The following CEP97 variants were observed in gnomAD, a reference collection of about 807,000 sequenced individuals.
CEP97 encodes centrosomal protein of 97 kDa.
A neutral mutation model predicts 73.1 loss-of-function variants in CEP97; 43 were observed. The ratio of observed to expected loss-of-function variants is 0.59; its 90% CI spans 0.46 to 0.76. The LOEUF is 0.76. CEP97 is among the 30% of genes least tolerant of loss of function. The probability of loss-of-function intolerance (pLI) is 0.00; values close to 1 mark genes in which losing one functional copy is unlikely to be tolerated. For missense variants in CEP97, 939 were observed against 1,014.0 expected (o/e 0.93, Z 1.00); for synonymous variants, 337 against 370.0 (o/e 0.91, Z 1.02).
intron 6 of CEP97, among the ~76,000 whole-genome samples, chr3:101,743,831 C>T (rs749503638): frequency 3.1e-4 from 47 of 151,888 alleles, no homozygotes; most frequent in African/African-American, 8.9e-4. Flanking sequence ...AGAGAAACCC[C>T]GCTCTATTAA....
intron 3 of CEP97, 53 bp downstream of exon 3, chr3:101,727,594 G>A: frequency 6.7e-7 from 1 of 1,503,714 alleles, no homozygotes; most frequent in Non-Finnish European, 9.0e-7. Flanking sequence ...AAAAATTCAA[G>A]CAATGTAGAA....
chr3:101,761,457 AGCCTGGT>A (rs1939174982), intron 9 of CEP97, among the ~76,000 whole-genome samples: 2 of 152,182 alleles, frequency 1.3e-5, no homozygotes, highest in Non-Finnish European at 2.9e-5. Flanking sequence ...GCAAAGAGAA[AGCCTGGT>A]GCTGAGACTT....
intron 6 of CEP97, among the ~76,000 whole-genome samples, chr3:101,747,742 CCTTT>C (rs1211273768): frequency 6.6e-6 from 1 of 150,606 alleles, no homozygotes; most frequent in African/African-American, 2.4e-5. Context: ...TTTTAAGTTC[CCTTT>C]CTTAATAGTT....
intron 6 of CEP97, among the ~76,000 whole-genome samples, chr3:101,752,407 C>T (rs1476046377): frequency 1.3e-5 from 2 of 151,984 alleles, no homozygotes; most frequent in South Asian, 2.1e-4. Context: ...ATCTTTGTGG[C>T]GTTCTCTGTA....
Position 101,765,803 on chromosome 3 carries a change from C to A in CEP97, c.*252C>A, listed in dbSNP as rs1939303977. ...AAGCTATATGCACTTTATTTCTTAA[C>A]TGAATTGCATCAACAATGTTCCTGT... On this transcript the variant is annotated 3_prime_UTR_variant, in exon 11 of 11. Transcript: ENST00000341893. 1 of 329,944 alleles carries A rather than the reference C, an allele frequency of 3.0e-6. No homozygotes were observed. The highest frequency in any genetic ancestry group is 5.5e-6 in the Non-Finnish European group (1 of 182,448). The allele number at this position is 329,944 out of a possible 1,614,324, so 20.4% of individuals were successfully genotyped here. A position where few individuals can be genotyped will look rare whatever the true frequency, so the allele number is the denominator to read the frequency against.
In CEP97 at chr3:101,757,739, C is replaced by A. The variant is rs1448829455; in HGVS notation, c.1133C>A (p.Ser378Tyr). 1.2e-6 allele frequency: 2 copies of A among 1,614,110 alleles called. No individual in the cohort carries two copies. The highest frequency in any genetic ancestry group is 1.7e-6 in the Non-Finnish European group (2 of 1,180,048). Residue 378 changes from serine (S) to tyrosine (Y), a missense_variant, in exon 9 of 11, where the codon TCT becomes TAT. Physicochemically the swap from Ser to Tyr is moderately radical, Grantham distance 144. Transcript: ENST00000341893. ...GCCTCTGTACACACTACGAGATATT[C>A]TCGAAATGATCTGCACCTGGAAGAC... ...FPASVHTTRYSRNDLHLEDIQ... is the reference protein window; with the variant it reads ...FPASVHTTRYYRNDLHLEDIQ...
chr3:101,741,632 T>G (rs572151276), intron 6 of CEP97, among the ~76,000 whole-genome samples: 1 of 152,242 alleles, frequency 6.6e-6, no homozygotes, highest in African/African-American at 2.4e-5. Context: ...AAGAAGACAT[T>G]TATGCGGCCA....
At chr3:101,741,031 A>G (rs1469997295) in intron 6 of CEP97, among the ~76,000 whole-genome samples, 1 of 151,488 alleles carries the variant, frequency 6.6e-6, no homozygotes, top group Non-Finnish European at 1.5e-5. Context: ...CTACACTACA[A>G]GGCTACAGTA....
At chr3:101,733,919 T>G (rs1938197700) in intron 6 of CEP97, among the ~76,000 whole-genome samples, 1 of 151,908 alleles carries the variant, frequency 6.6e-6, no homozygotes, top group South Asian at 2.1e-4. Flanking sequence ...CTCCACCTCC[T>G]GGGTTCAAGC....
intron 10 of CEP97, among the ~76,000 whole-genome samples, chr3:101,763,611 A>G (rs957879035): frequency 6.6e-6 from 1 of 152,216 alleles, no homozygotes; most frequent in Admixed American, 6.5e-5. Context: ...AGGGAAACTA[A>G]AAACTGTACA....
At chr3:101,729,265 G>C (rs1441306661) in intron 4 of CEP97, among the ~76,000 whole-genome samples, 2 of 151,948 alleles carry the variant, frequency 1.3e-5, no homozygotes, top group Non-Finnish European at 2.9e-5. Flanking sequence ...TTGAACCCAG[G>C]AGGTGGAGGT....
intron 6 of CEP97, among the ~76,000 whole-genome samples, chr3:101,752,472 T>C (rs923706900): frequency 6.6e-6 from 1 of 152,222 alleles, no homozygotes; most frequent in Non-Finnish European, 1.5e-5. Context: ...TTCTCCTGGA[T>C]AATATCTTGC....
chr3:101,756,065 CTT>C (rs879428955), intron 7 of CEP97, among the ~76,000 whole-genome samples: 2 of 144,692 alleles, frequency 1.4e-5, no homozygotes. Context: ...TATATTTGTT[CTT>C]TTTTTTTTTT....
chr3:101,759,700 G>T (rs185011683), intron 9 of CEP97, among the ~76,000 whole-genome samples: 4 of 152,254 alleles, frequency 2.6e-5, no homozygotes, highest in Non-Finnish European at 5.9e-5. Context: ...TCTTTGCAAT[G>T]TACAGTGTTT....
chr3:101,744,321 T>C (rs2107157715), intron 6 of CEP97, among the ~76,000 whole-genome samples: 1 of 151,802 alleles, frequency 6.6e-6, no homozygotes, highest in South Asian at 2.1e-4. Flanking sequence ...CATTGGTTCA[T>C]GCCTGTAATC....
At position 101,748,901 on chromosome 3, in the gene CEP97, A is replaced by T. The variant is rs766471519; in HGVS notation, c.729-6529A>T. 5.7e-4 allele frequency among the ~76,000 whole-genome samples: 87 copies of T among 152,244 alleles called. 2 individuals are homozygous for T. Among genetic ancestry groups the T allele is most frequent in the South Asian group, 4.2e-4 (2 of 4,810 alleles). On this transcript the variant is annotated intron_variant, in intron 6 of 10. Transcript: ENST00000341893. ...ATGATCCGCCCACCTCGGCCTCCCA[A>T]AGTGCTGGGATTACAGGTGTGAGCC...
At chr3:101,754,098 G>T (rs1257752756) in intron 6 of CEP97, among the ~76,000 whole-genome samples, 1 of 141,120 alleles carries the variant, frequency 7.1e-6, no homozygotes, top group African/African-American at 2.7e-5. Context: ...TTGTTGTCCA[G>T]GCTGGCTTCA....
chr3:101,748,986 T>C (rs1938713333), intron 6 of CEP97, among the ~76,000 whole-genome samples: 2 of 152,158 alleles, frequency 1.3e-5, no homozygotes, highest in South Asian at 4.1e-4. Flanking sequence ...AACTAAACTT[T>C]TTTGGTTAAA....
At chr3:101,727,357 A>C in intron 2 of CEP97, 26 bp from the exon 3 acceptor site, 1 of 1,571,440 alleles carries the variant, frequency 6.4e-7, no homozygotes, top group Non-Finnish European at 8.7e-7. Context: ...TATTCCTAAA[A>C]ATAACAATAT....
Sources: gnomAD v4.1 joint callset for allele counts (sites outside exome capture counted in the v4.1 genomes callset) on GRCh38, gnomAD v4.1.1 for gene constraint, MANE v1.5 for transcripts, NCBI Gene and HGNC (gene_info 2026-07-23, HGNC 2026-07-21) for gene names.